MYO16: variants seen among roughly 807,000 people sequenced by gnomAD.
MYO16 encodes unconventional myosin-XVI.
In MYO16, 94 loss-of-function variants were observed where a neutral mutation model predicts 205.3. That is an observed-to-expected ratio of 0.46 (90% confidence interval 0.39 to 0.54). The LOEUF is 0.54. Among genes scored for constraint, MYO16 ranks in the 20% least tolerant of loss-of-function variants. The pLI is 0.00. For missense variants in MYO16, 2,315 were observed against 2,387.5 expected (o/e 0.97, Z 0.63); for synonymous variants, 988 against 954.0 (o/e 1.04, Z -0.66).
At chr13:109,045,767 C>A (rs890678441) in intron 23 of MYO16, among the ~76,000 whole-genome samples, 1 of 152,200 alleles carries the variant, frequency 6.6e-6, no homozygotes, top group Non-Finnish European at 1.5e-5. Context: ...TTTCCAGGTC[C>A]TTCCACAGTC....
At chr13:108,959,182 A>G (rs1883489130) in intron 17 of MYO16, among the ~76,000 whole-genome samples, 1 of 152,044 alleles carries the variant, frequency 6.6e-6, no homozygotes, top group Non-Finnish European at 1.5e-5. Context: ...ATCACATGGC[A>G]TCTCATTCTT....
chr13:108,944,190 A>C (rs962163237), intron 16 of MYO16, among the ~76,000 whole-genome samples: 2 of 152,180 alleles, frequency 1.3e-5, no homozygotes, highest in African/African-American at 4.8e-5. Flanking sequence ...TTGTAAGAAC[A>C]TTCTTCTGGG....
At chr13:109,128,724 A>G (rs1252015082) in intron 31 of MYO16, among the ~76,000 whole-genome samples, 1 of 151,498 alleles carries the variant, frequency 6.6e-6, no homozygotes, top group African/African-American at 2.4e-5. Flanking sequence ...TGCCTCACAC[A>G]GCTATCATTT....
At chr13:109,069,861 T>C (rs9514972) in intron 27 of MYO16, among the ~76,000 whole-genome samples, 75,937 of 151,922 alleles carry the variant, frequency 0.5, 19,008 homozygotes, top group Middle Eastern at 0.55. Flanking sequence ...CCATAACACT[T>C]ATCTCAATAG....
chr13:108,775,416 A>C (rs1886092632), intron 4 of MYO16, among the ~76,000 whole-genome samples: 2 of 152,232 alleles, frequency 1.3e-5, no homozygotes, highest in South Asian at 4.1e-4. Context: ...TCTCATTATA[A>C]ATGGGCAATG....
At chr13:108,506,966 G>A in the MYO16 span, among the ~76,000 whole-genome samples, 1 of 151,974 alleles carries the variant, frequency 6.6e-6, no homozygotes, top group Non-Finnish European at 1.5e-5. Flanking sequence ...ATGTCATTCT[G>A]ATAATGTGAT....
chr13:108,506,629 G>A, the MYO16 span, among the ~76,000 whole-genome samples: 6 of 151,940 alleles, frequency 3.9e-5, no homozygotes, highest in Admixed American at 1.3e-4. Flanking sequence ...ACATGTTAAC[G>A]GAGATAAGTT....
chr13:109,143,971 C>T (rs1398330989), intron 32 of MYO16, among the ~76,000 whole-genome samples: 41 of 151,848 alleles, frequency 2.7e-4, no homozygotes, highest in Admixed American at 2.5e-3. Flanking sequence ...AATCTAACTC[C>T]CTGTAGTTAG....
intron 20 of MYO16, among the ~76,000 whole-genome samples, chr13:108,973,452 T>TA (rs1884129516): frequency 1.3e-5 from 2 of 152,224 alleles, no homozygotes; most frequent in South Asian, 4.1e-4. Flanking sequence ...TTTTGCATCT[T>TA]ACCACATTTC....
At chr13:108,519,134 C>T in the MYO16 span, among the ~76,000 whole-genome samples, 306 of 152,224 alleles carry the variant, frequency 2.0e-3, 1 homozygote, top group African/African-American at 7.1e-3. Context: ...AGCATAAACA[C>T]ATTTCTTGAG....
At chr13:108,670,749 C>T (rs1881947430) in intron 2 of MYO16, among the ~76,000 whole-genome samples, 1 of 152,126 alleles carries the variant, frequency 6.6e-6, no homozygotes, top group Non-Finnish European at 1.5e-5. Flanking sequence ...GTTTCCCATC[C>T]TGAAACTTTC....
intron 15 of MYO16, among the ~76,000 whole-genome samples, chr13:108,898,920 A>G (rs1343368981): frequency 6.6e-6 from 1 of 152,206 alleles, no homozygotes; most frequent in Non-Finnish European, 1.5e-5. Flanking sequence ...AACTTTTACA[A>G]CAGCTGTCAG....
At chr13:108,824,326 A>G (rs529048701) in intron 9 of MYO16, among the ~76,000 whole-genome samples, 10 of 152,270 alleles carry the variant, frequency 6.6e-5, no homozygotes, top group Admixed American at 5.9e-4. Flanking sequence ...GTGTTTTAAC[A>G]TGATATACAA....
chr13:108,639,135 T>G (rs1880388070), intron 1 of MYO16, among the ~76,000 whole-genome samples: 1 of 152,204 alleles, frequency 6.6e-6, no homozygotes, highest in African/African-American at 2.4e-5. Flanking sequence ...GCTTTGCATT[T>G]TAGATCTGTC....
chr13:108,761,060 CA>C (rs1885591200), intron 4 of MYO16, among the ~76,000 whole-genome samples: 1 of 152,110 alleles, frequency 6.6e-6, no homozygotes, highest in Non-Finnish European at 1.5e-5. Flanking sequence ...ACACATGCAT[CA>C]CACACACCTT....
At chr13:108,738,247 T>G (rs999435303) in intron 4 of MYO16, among the ~76,000 whole-genome samples, 1 of 152,218 alleles carries the variant, frequency 6.6e-6, no homozygotes, top group African/African-American at 2.4e-5. Flanking sequence ...TTTTAGATCT[T>G]TCCTGCTTTC....
Position 108,785,665 on chromosome 13 carries a change from A to T in MYO16, c.538A>T (p.Asn180Tyr). 1 of 1,613,008 alleles carries T rather than the reference A, an allele frequency of 6.2e-7. No homozygotes were observed. Among genetic ancestry groups the T allele is most frequent in the Non-Finnish European group, 8.5e-7 (1 of 1,179,636 alleles). Residue 180 changes from asparagine to tyrosine, a missense_variant, in exon 5 of 35, where the codon AAT (asparagine) becomes TAT (tyrosine). Around this residue, in one of 3 missense-constraint regions of MYO16, gnomAD observed 1,213 missense variants for 1,274.4 expected, o/e 0.95. Transcript: ENST00000457511. ...AGANVLLQDV[N>Y]GNIPLDYAVE... Reference sequence around the variant, plus strand: ...AGCCAATGTCCTTCTCCAGGATGTGAATGGAAATATCCCATTAGATTATGC... The same window carrying T: ...AGCCAATGTCCTTCTCCAGGATGTGTATGGAAATATCCCATTAGATTATGC...
chr13:109,052,175 T>A, intron 24 of MYO16, 125 bp from the exon 25 acceptor site: 1 of 763,624 alleles, frequency 1.3e-6, no homozygotes, highest in African/African-American at 1.8e-5. Flanking sequence ...CTCCTCAATC[T>A]GCTGAACGAA....
intron 22 of MYO16, among the ~76,000 whole-genome samples, chr13:109,010,643 A>G (rs1007367973): frequency 2.6e-5 from 4 of 152,048 alleles, no homozygotes; most frequent in Admixed American, 2.6e-4. Context: ...TGAAACAGAA[A>G]CAGACTTGCA....
Sources: gnomAD v4.1 joint callset for allele counts (sites outside exome capture counted in the v4.1 genomes callset) on GRCh38, gnomAD v4.1.1 for gene constraint, gnomAD v4.1.1 regional missense constraint, MANE v1.5 for transcripts, NCBI Gene and HGNC (gene_info 2026-07-23, HGNC 2026-07-21) for gene names.